Variants in ZNF862 observed in about 807,000 individuals in gnomAD.
ZNF862 encodes the protein zinc finger protein 862.
Under a neutral mutation model 91.1 loss-of-function variants are expected in ZNF862, and 64 were observed. That is an observed-to-expected ratio of 0.70 (90% CI 0.57 to 0.87). The LOEUF is 0.87. ZNF862 is among the 40% of genes least tolerant of loss of function. The probability of loss-of-function intolerance (pLI) is 0.00; values close to 1 mark genes in which losing one functional copy is unlikely to be tolerated. For synonymous variants in ZNF862, 631 were observed against 618.1 expected, an observed-to-expected ratio of 1.02 and a Z score of -0.31; for missense variants, 1,459 against 1,528.0, an observed-to-expected ratio of 0.95 and a Z score of 0.75.
chr7:149,853,111 T>TG (rs1802124031), intron 5 of ZNF862, among the ~76,000 whole-genome samples: 2 of 152,166 alleles, frequency 1.3e-5, no homozygotes, highest in African/African-American at 2.4e-5. Context: ...TTGTTTGAGA[T>TG]GGGGTCTCTC....
At position 149,850,605 on chromosome 7, in the gene ZNF862, G is replaced by C; in HGVS notation, c.1117+267G>C. On this transcript the variant is annotated intron_variant, in intron 5 of 7. Coordinates refer to ENST00000223210, the MANE Select transcript of ZNF862 (RefSeq NM_001099220.3). The surrounding 1 kb of genome is among the most constrained non-coding windows in gnomAD (Gnocchi z 4.2). ...GCCAGATGAACACAGCTGATCCATG[G>C]TCTCTGCTTTCAAGGGCCTAGCACG... is the stretch of plus-strand genomic sequence containing the variant. 1 of 397,456 alleles carries C rather than the reference G, an allele frequency of 2.5e-6. No homozygotes were observed. The highest frequency in any genetic ancestry group is 4.5e-6 in the Non-Finnish European group (1 of 220,994). 24.6% of individuals were successfully genotyped at this position (397,456 alleles called of 1,614,324 possible). A position where few individuals can be genotyped will look rare whatever the true frequency, so the allele number is the denominator to read the frequency against.
intron 7 of ZNF862, among the ~76,000 whole-genome samples, chr7:149,863,100 C>T (rs932323747): frequency 2.0e-5 from 3 of 152,160 alleles, no homozygotes; most frequent in African/African-American, 7.2e-5. Context: ...GAAACAGCCT[C>T]TCTGGACCGG....
chr7:149,846,073 C>A, intron 2 of ZNF862, 78 bp from the exon 3 acceptor site: 8 of 1,020,344 alleles, frequency 7.8e-6, no homozygotes, highest in South Asian at 7.0e-5. Flanking sequence ...CAGATACCTC[C>A]TTCGTGTTGT....
At chr7:149,844,879 G>A (rs1297472926) in intron 2 of ZNF862, 143 bp downstream of exon 2, 7 of 615,882 alleles carry the variant, frequency 1.1e-5, no homozygotes, top group South Asian at 5.8e-5. Flanking sequence ...GCTCGATCCC[G>A]TATCTACCTT....
chr7:149,842,413 C>T (rs182159335), intron 1 of ZNF862, among the ~76,000 whole-genome samples: 5 of 152,306 alleles, frequency 3.3e-5, no homozygotes, highest in East Asian at 3.9e-4. Flanking sequence ...AATAGAACAT[C>T]GAGAGAGATT....
chr7:149,838,664 G>T (rs1248037451), intron 1 of ZNF862, 29 bp downstream of exon 1: 3 of 1,211,204 alleles, frequency 2.5e-6, no homozygotes, highest in Non-Finnish European at 3.1e-6. Flanking sequence ...GGGGCCGCCC[G>T]CTCCCTCCCG....
At chr7:149,840,241 A>C (rs1392086858) in intron 1 of ZNF862, among the ~76,000 whole-genome samples, 1 of 150,710 alleles carries the variant, frequency 6.6e-6, no homozygotes, top group African/African-American at 2.4e-5. Context: ...AAAACCTCAT[A>C]GAATTAGAAT....
chr7:149,848,306 T>C lies in ZNF862; in HGVS notation c.813T>C (p.Asp271=), dbSNP rs965302432. 5 of 1,608,156 alleles carry C rather than the reference T, an allele frequency of 3.1e-6. No homozygotes were observed. The African/African-American group carries it at 5.3e-5, about 17-fold the overall frequency. ...CTGAACTAGAGGACCCTGGGGGGGA[T>C]GGAGCAATTCCTGCAATGTATCTAG... The part of the protein sequence containing the change: ...SRAELEDPGG[D]GAIPAMYLDC... The change falls in exon 4 of 8, where the codon GAT becomes GAC. Residue 271 remains aspartate (D), a synonymous_variant. Coordinates refer to ENST00000223210, the MANE Select transcript of ZNF862 (RefSeq NM_001099220.3).
intron 4 of ZNF862, among the ~76,000 whole-genome samples, chr7:149,849,548 G>A (rs1022708660): frequency 2.0e-5 from 3 of 152,208 alleles, no homozygotes; most frequent in Non-Finnish European, 2.9e-5. Flanking sequence ...AGAATAGCTC[G>A]GAGGTTCCTC....
intron 4 of ZNF862, among the ~76,000 whole-genome samples, chr7:149,848,987 A>T (rs562201187): frequency 1.9e-4 from 29 of 152,002 alleles, no homozygotes; most frequent in Non-Finnish European, 3.7e-4. Context: ...TTTCGTAGAG[A>T]TGGGAATCTC....
In ZNF862 at chr7:149,860,483, C is replaced by T. The variant is rs1802427680; in HGVS notation, c.1323C>T (p.Cys441=). The stretch of plus-strand genomic sequence containing the variant: ...CTCCCGTGGAGGCCCGTGCCTCCTG[C>T]TGCAGTTCCAGCATTTGTGAGGAAG... The part of the protein sequence containing the change: ...PGSPVEARAS[C]CSSSICEEGD... The change falls in exon 7 of 8, where the codon TGC becomes TGT. Residue 441 remains cysteine (C), a synonymous_variant. Transcript: ENST00000223210. The T allele has an allele frequency of 1.2e-6, 2 of 1,613,868 alleles. No individual in the cohort carries two copies. The highest frequency in any genetic ancestry group is 1.3e-5 in the African/African-American group (1 of 74,912).
chr7:149,857,272 C>G (rs1290187204), intron 5 of ZNF862, among the ~76,000 whole-genome samples: 1 of 151,864 alleles, frequency 6.6e-6, no homozygotes, highest in African/African-American at 2.4e-5. Context: ...ATTGGACTTC[C>G]TGGATTGAGT....
At chr7:149,841,680 C>T (rs1210021765) in intron 1 of ZNF862, 13 of 985,238 alleles carry the variant, frequency 1.3e-5, no homozygotes, top group Non-Finnish European at 1.6e-5. Flanking sequence ...GTTGGTGCCC[C>T]GAAAGAGAAG....
intron 2 of ZNF862, 27 bp from the exon 3 acceptor site, chr7:149,846,124 C>A: frequency 2.0e-6 from 3 of 1,527,378 alleles, no homozygotes; most frequent in South Asian, 2.3e-5. Flanking sequence ...CTCTCTCTCT[C>A]GCTCTCTTTT....
intron 1 of ZNF862, among the ~76,000 whole-genome samples, chr7:149,840,187 T>TAAAAAAAAAAAAA (rs60721842): frequency 1.9e-4 from 8 of 41,250 alleles, no homozygotes; most frequent in African/African-American, 3.8e-4. Context: ...GCTTAAAAAG[T>TAAAAAAAAAAAAA]AAAAAAAAAA....
intron 5 of ZNF862, among the ~76,000 whole-genome samples, chr7:149,852,944 C>T (rs946633180): frequency 3.9e-5 from 6 of 152,214 alleles, no homozygotes; most frequent in African/African-American, 1.4e-4. Flanking sequence ...TGGAAAACAA[C>T]ACTGAGTGGG....
intron 6 of ZNF862, chr7:149,859,808 CGAG>C (rs992195466): frequency 7.9e-5 from 30 of 377,444 alleles, no homozygotes; most frequent in African/African-American, 6.3e-4. Flanking sequence ...ACACTGGTCT[CGAG>C]GAGCCAGGGG....
In ZNF862 at chr7:149,850,420, T is replaced by C. The variant is rs1173586489; in HGVS notation, c.1117+82T>C. 7.1e-7 allele frequency: 1 copy of C among 1,408,726 alleles called. No homozygotes were observed. Among genetic ancestry groups the C allele is most frequent in the Non-Finnish European group, 9.6e-7 (1 of 1,043,188 alleles). The allele number at this position is 1,408,726 out of a possible 1,614,324, so 87.3% of individuals were successfully genotyped here. A position where few individuals can be genotyped will look rare whatever the true frequency, so the allele number is the denominator to read the frequency against. On this transcript the variant is annotated intron_variant, in intron 5 of 7. Transcript: ENST00000223210. The surrounding 1 kb of genome is among the most constrained non-coding windows in gnomAD (Gnocchi z 4.2). ...AGGGGAGCTGTGGCTTGTGGTTATC[T>C]TCCCATTCCTGCCCCCTCCCTGTGT...
rs748025840 is a variant in ZNF862 at position 149,866,634 on chromosome 7, G to A, written c.*2350G>A. The A allele has an allele frequency of 6.6e-6, 1 of 152,266 alleles. No homozygotes were observed. Among genetic ancestry groups the A allele is most frequent in the East Asian group, 1.9e-4 (1 of 5,186 alleles). 9.4% of individuals were successfully genotyped at this position (152,266 alleles called of 1,614,324 possible). ...GGACACCGGCCAGTGCCTTCCTTAGGTGGTGGGAAAGGGGGGTCCCTGTGC... is the reference window on the plus strand; with the variant it reads ...GGACACCGGCCAGTGCCTTCCTTAGATGGTGGGAAAGGGGGGTCCCTGTGC... On this transcript the variant is annotated 3_prime_UTR_variant, in exon 8 of 8. Coordinates refer to ENST00000223210, the MANE Select transcript of ZNF862 (RefSeq NM_001099220.3).
Sources: allele counts gnomAD v4.1 joint callset (sites outside exome capture counted in the v4.1 genomes callset), GRCh38; gene constraint gnomAD v4.1.1; non-coding constraint Gnocchi (gnomAD v3.1); transcripts MANE v1.5; gene names NCBI Gene and HGNC (gene_info 2026-07-23, HGNC 2026-07-21).